The following PIWIL2 variants were observed in gnomAD, a reference collection of about 807,000 sequenced individuals.
The protein encoded by PIWIL2 is piwi-like protein 2.
PIWIL2 carries 81 observed loss-of-function variants against 116.5 expected under a neutral mutation model. The ratio of observed to expected loss-of-function variants is 0.70; its 90% CI spans 0.58 to 0.84. The LOEUF is 0.84. Ranked by LOEUF, PIWIL2 falls within the 40% of genes least tolerant of loss-of-function variation. The probability of loss-of-function intolerance (pLI) is 0.00; values close to 1 mark genes in which losing one functional copy is unlikely to be tolerated. For synonymous variants in PIWIL2, 489 were observed against 429.5 expected, an observed-to-expected ratio of 1.14 and a Z score of -1.71; for missense variants, 1,272 against 1,212.3, an observed-to-expected ratio of 1.05 and a Z score of -0.73.
chr8:22,296,580 C>G (rs1429585035), intron 10 of PIWIL2, among the ~76,000 whole-genome samples: 1 of 152,174 alleles, frequency 6.6e-6, no homozygotes, highest in African/African-American at 2.4e-5. Flanking sequence ...TTTGGAGATA[C>G]TTTACCCTGA....
At position 22,281,616 on chromosome 8, in the gene PIWIL2, A is replaced by G. The variant is rs368031986; in HGVS notation, c.425+101A>G. On this transcript the variant is annotated intron_variant, in intron 4 of 22. Coordinates refer to ENST00000356766, the MANE Select transcript of PIWIL2 (RefSeq NM_018068.5). ...GAAGAGTTGTGTCATCTCATAATCAATGTCTGGTTTTATATTAAAGAATGC... is the reference window on the plus strand; with the variant it reads ...GAAGAGTTGTGTCATCTCATAATCAGTGTCTGGTTTTATATTAAAGAATGC... The G allele has an allele frequency of 2.2e-5, 22 of 981,058 alleles. No homozygotes were observed. In the East Asian group the frequency reaches 2.5e-4, roughly 11 times the overall value. 60.8% of individuals were successfully genotyped at this position (981,058 alleles called of 1,614,324 possible).
chr8:22,344,377 A>G (rs1832178590), intron 20 of PIWIL2, among the ~76,000 whole-genome samples: 1 of 152,224 alleles, frequency 6.6e-6, no homozygotes. Context: ...TAACAAGTGT[A>G]CCATAATGCA....
Position 22,355,627 on chromosome 8 carries a change from C to T in PIWIL2, c.*122C>T, listed in dbSNP as rs1832472903. 1.2e-5 allele frequency: 10 copies of T among 810,530 alleles called. No individual in the cohort carries two copies. In the South Asian group the frequency reaches 1.8e-4, roughly 15 times the overall value. The allele number at this position is 810,530 out of a possible 1,614,324, so 50.2% of individuals were successfully genotyped here. Reference sequence around the variant, plus strand: ...GTTATAATTTTCCCTTTCTCCAACCCTGTAGAATAAGATTTCTTTCTTGTC... The same window carrying T: ...GTTATAATTTTCCCTTTCTCCAACCTTGTAGAATAAGATTTCTTTCTTGTC... On this transcript the variant is annotated 3_prime_UTR_variant, in exon 23 of 23. Transcript: ENST00000356766.
intron 1 of PIWIL2, among the ~76,000 whole-genome samples, chr8:22,278,549 A>G (rs1226834964): frequency 2.0e-5 from 3 of 152,218 alleles, no homozygotes; most frequent in Non-Finnish European, 4.4e-5. Context: ...ACAGCTAGTT[A>G]ACTCACAGGA....
chr8:22,291,672 A>G (rs1478303008), intron 10 of PIWIL2, among the ~76,000 whole-genome samples: 1 of 152,182 alleles, frequency 6.6e-6, no homozygotes, highest in Admixed American at 6.5e-5. Context: ...CCAGCTATGT[A>G]CAACCACTGG....
intron 20 of PIWIL2, among the ~76,000 whole-genome samples, chr8:22,335,149 A>T (rs1831951374): frequency 6.6e-6 from 1 of 152,152 alleles, no homozygotes; most frequent in Admixed American, 6.6e-5. Context: ...TATAACAGTA[A>T]CTGGAAAATA....
chr8:22,310,007 C>G lies in PIWIL2; in HGVS notation c.1733C>G (p.Thr578Ser). ...LPMERINLKN[T>S]SFITSQELNW... Reference sequence around the variant, plus strand: ...ATGGAAAGAATTAACTTAAAAAATACTTCGTTTATCACATCTCAGGAACTA... The same window carrying G: ...ATGGAAAGAATTAACTTAAAAAATAGTTCGTTTATCACATCTCAGGAACTA... Residue 578 changes from threonine (T) to serine (S), a missense_variant, in exon 15 of 23, where the codon ACT (threonine) becomes AGT (serine). Transcript: ENST00000356766. 1.2e-6 allele frequency: 2 copies of G among 1,611,920 alleles called. No homozygotes were observed. Among genetic ancestry groups the G allele is most frequent in the South Asian group, 1.1e-5 (1 of 91,032 alleles).
chr8:22,317,936 C>T (rs971428277), intron 19 of PIWIL2, among the ~76,000 whole-genome samples: 5 of 152,084 alleles, frequency 3.3e-5, no homozygotes, highest in Admixed American at 3.3e-4. Context: ...GCTGAGATTA[C>T]AGGCATGAGC....
intron 20 of PIWIL2, among the ~76,000 whole-genome samples, chr8:22,325,215 C>T (rs1038712458): frequency 6.6e-6 from 1 of 152,194 alleles, no homozygotes; most frequent in Non-Finnish European, 1.5e-5. Flanking sequence ...GCCCACTCCA[C>T]TTCCTTCGAT....
chr8:22,285,640 ATTTC>A (rs1563350027), intron 6 of PIWIL2, among the ~76,000 whole-genome samples: 2 of 151,272 alleles, frequency 1.3e-5, no homozygotes, highest in Non-Finnish European at 1.5e-5. Flanking sequence ...CTTCCATACT[ATTTC>A]TTTTTTTTTT....
chr8:22,324,100 A>G (rs1396177836), intron 20 of PIWIL2, among the ~76,000 whole-genome samples: 2 of 152,094 alleles, frequency 1.3e-5, no homozygotes, highest in Non-Finnish European at 2.9e-5. Flanking sequence ...TGTCTTTACT[A>G]AAAATACAAA....
intron 20 of PIWIL2, among the ~76,000 whole-genome samples, chr8:22,351,754 G>T (rs1036092115): frequency 6.6e-6 from 1 of 151,416 alleles, no homozygotes; most frequent in Non-Finnish European, 1.5e-5. Flanking sequence ...GGCCAGGGTG[G>T]TCTTGAACTT....
At chr8:22,279,156 G>A (rs1471724762) in intron 1 of PIWIL2, among the ~76,000 whole-genome samples, 185 bp from the exon 2 acceptor site, 11 of 152,166 alleles carry the variant, frequency 7.2e-5, no homozygotes, top group Admixed American at 7.2e-4. Context: ...CCACTGCTCT[G>A]AGGGATTGTT....
intron 20 of PIWIL2, among the ~76,000 whole-genome samples, chr8:22,332,444 T>C (rs1831883738): frequency 6.6e-6 from 1 of 152,114 alleles, no homozygotes; most frequent in Non-Finnish European, 1.5e-5. Flanking sequence ...TGGTGAGGAA[T>C]GTTCCAAAAC....
chr8:22,303,181 T>G (rs1332810744), intron 10 of PIWIL2, among the ~76,000 whole-genome samples: 1 of 152,144 alleles, frequency 6.6e-6, no homozygotes, highest in African/African-American at 2.4e-5. Context: ...TGCAACAGTT[T>G]GGTATCTGAT....
intron 22 of PIWIL2, 100 bp from the exon 23 acceptor site, chr8:22,355,249 G>A (rs1832463139): frequency 9.0e-7 from 1 of 1,116,592 alleles, no homozygotes. Flanking sequence ...TTTCAGGAAG[G>A]TGTGCTCTGT....
chr8:22,354,686 T>C (rs1038101325), intron 22 of PIWIL2, among the ~76,000 whole-genome samples: 1 of 152,192 alleles, frequency 6.6e-6, no homozygotes, highest in Non-Finnish European at 1.5e-5. Context: ...GCCGTTGAGT[T>C]CAGATTATAT....
At chr8:22,316,409 CTT>C in intron 19 of PIWIL2, 76 bp downstream of exon 19, 1 of 876,906 alleles carries the variant, frequency 1.1e-6, no homozygotes. Context: ...TCCAGCAAAT[CTT>C]TTTAGCATTA....
rs571819137 is a variant in PIWIL2 at position 22,324,256 on chromosome 8, T to A, written c.2403+5981T>A. On this transcript the variant is annotated intron_variant, in intron 20 of 22. Transcript: ENST00000356766. ...CAGTCTGGGCGACAAAGCAAGACTT[T>A]GTCTCAAAAAAAAGGAATATTGGAT... Among the ~76,000 whole-genome samples, 4 of 152,214 alleles carry A rather than the reference T, an allele frequency of 2.6e-5. No individual in the cohort carries two copies. In the South Asian group the frequency reaches 8.3e-4, roughly 32 times the overall value.
Sources: allele counts gnomAD v4.1 joint callset (sites outside exome capture counted in the v4.1 genomes callset), GRCh38; gene constraint gnomAD v4.1.1; transcripts MANE v1.5; gene names NCBI Gene and HGNC (gene_info 2026-07-23, HGNC 2026-07-21).